The following SPHK2 variants were observed in gnomAD, a reference collection of about 807,000 sequenced individuals.
SPHK2 encodes the protein sphingosine kinase 2.
Under a neutral mutation model 32.3 loss-of-function variants are expected in SPHK2, and 18 were observed. That is an observed-to-expected ratio of 0.56 (90% CI 0.39 to 0.83). The LOEUF (loss-of-function observed/expected upper bound fraction) is 0.83. SPHK2 is among the 40% of genes least tolerant of loss of function. The pLI, the probability that SPHK2 is intolerant of heterozygous loss-of-function variation, is 0.00. For synonymous variants in SPHK2, 462 were observed against 417.6 expected, an observed-to-expected ratio of 1.11 and a Z score of -1.30; for missense variants, 850 against 908.7, an observed-to-expected ratio of 0.94 and a Z score of 0.83.
chr19:48,626,994 C>A (rs1357345677), intron 3 of SPHK2, among the ~76,000 whole-genome samples: 1 of 151,080 alleles, frequency 6.6e-6, no homozygotes, highest in Non-Finnish European at 1.5e-5. Flanking sequence ...ATTAGCCGGG[C>A]ATGGTGACGG....
chr19:48,625,165 C>T, intron 2 of SPHK2: 1 of 1,014,640 alleles, frequency 9.9e-7, no homozygotes. Flanking sequence ...CTGTCATATC[C>T]CTTCTCTCCA....
At chr19:48,625,242 G>A (rs1974560026) in intron 2 of SPHK2, 9 of 1,062,236 alleles carry the variant, frequency 8.5e-6, no homozygotes, top group Admixed American at 5.0e-5. Flanking sequence ...TGCCTTTCTC[G>A]TTGGGGTGAA....
chr19:48,627,748 T>C lies in SPHK2; in HGVS notation c.568T>C (p.Phe190Leu). 6.2e-7 allele frequency: 1 copy of C among 1,613,712 alleles called. No homozygotes were observed. The highest frequency in any genetic ancestry group is 8.5e-7 in the Non-Finnish European group (1 of 1,179,848). ...PPRLLLLVNP[F>L]GGRGLAWQWC... ...CCGGTTGCTTCTATTGGTCAATCCC[T>C]TTGGGGGTCGGGGCCTGGCCTGGCA... The change falls in exon 4 of 7, where the codon TTT becomes CTT. Residue 190 changes from phenylalanine to leucine, a missense_variant. This residue lies in a region of SPHK2 where 544 missense variants were observed against 640.0 expected (regional missense o/e 0.85). Coordinates refer to ENST00000245222, the MANE Select transcript of SPHK2 (RefSeq NM_020126.5).
At position 48,626,326 on chromosome 19, in the gene SPHK2, T is replaced by A. The variant is rs2147686952; in HGVS notation, c.475T>A (p.Cys159Ser). Reference protein sequence around the residue: ...EAQRWATALTCLLRGLPLPGD... With the variant: ...EAQRWATALTSLLRGLPLPGD... ...CCAGCGCTGGGCCACTGCCCTCACCTGTCTGCTCCGAGGACTGCCACTGCC... is the reference window on the plus strand; with the variant it reads ...CCAGCGCTGGGCCACTGCCCTCACCAGTCTGCTCCGAGGACTGCCACTGCC... Residue 159 changes from cysteine to serine, a missense_variant, in exon 3 of 7, where the codon TGT becomes AGT. By Grantham distance (112) the Cys-to-Ser change is moderately radical. Transcript: ENST00000245222. 1.3e-6 allele frequency: 2 copies of A among 1,594,634 alleles called. No individual in the cohort carries two copies. The highest frequency in any genetic ancestry group is 1.3e-5 in the African/African-American group (1 of 74,800).
rs375999606 is a variant in SPHK2, at chr19:48,628,216, G to A, written c.811G>A (p.Val271Met). The stretch of plus-strand genomic sequence containing the variant: ...CTGGGAGGAAGCTGTGAAGATGCCT[G>A]TGGGCATCCTCCCCTGCGGCTCGGG... Reference protein sequence around the residue: ...PDWEEAVKMPVGILPCGSGNA... With the variant: ...PDWEEAVKMPMGILPCGSGNA... The change falls in exon 6 of 7, where the codon GTG (valine) becomes ATG (methionine). Residue 271 changes from valine to methionine, a missense_variant. By Grantham distance (21) the Val-to-Met change is conservative (BLOSUM62 1). Transcript: ENST00000245222. The surrounding 1 kb of genome is among the most constrained non-coding windows in gnomAD (Gnocchi z 5.2). 1.6e-5 allele frequency: 26 copies of A among 1,613,838 alleles called. No homozygotes were observed. The highest frequency in any genetic ancestry group is 2.1e-5 in the Non-Finnish European group (25 of 1,179,968).
rs766127579 is a variant in SPHK2 at position 48,628,739 on chromosome 19, G to A, written c.931G>A (p.Gly311Ser). The A allele has an allele frequency of 3.3e-5, 54 of 1,613,142 alleles. No individual in the cohort carries two copies. In the East Asian group the frequency reaches 7.4e-4, roughly 22 times the overall value. The change falls in exon 7 of 7, where the codon GGT becomes AGT. Residue 311 changes from glycine to serine, a missense_variant. By Grantham distance (56) the Gly-to-Ser change is moderately conservative. Coordinates refer to ENST00000245222, the MANE Select transcript of SPHK2 (RefSeq NM_020126.5). This position sits in a 1 kb window ranked among gnomAD's most constrained non-coding sequence, Gnocchi z 5.2. ...LLNCSLLLCRGGGHPLDLLSV... is the reference protein window; with the variant it reads ...LLNCSLLLCRSGGHPLDLLSV... Reference sequence around the variant, plus strand: ...CAACTGCTCACTGTTGCTGTGCCGGGGTGGTGGCCACCCACTGGACCTGCT... The same window carrying A: ...CAACTGCTCACTGTTGCTGTGCCGGAGTGGTGGCCACCCACTGGACCTGCT...
At chr19:48,620,618 TA>T (rs34009920) in intron 2 of SPHK2, 65 bp downstream of exon 2, 145,554 of 1,003,588 alleles carry the variant, frequency 0.15, 1 homozygote, top group Middle Eastern at 0.17. Context: ...AGCTTTTCTT[TA>T]AAAAAAAAAA....
In SPHK2 at chr19:48,629,560, C is replaced by A; in HGVS notation, c.1752C>A (p.Phe584Leu). 6.2e-7 allele frequency: 1 copy of A among 1,602,240 alleles called. No individual in the cohort carries two copies. The highest frequency in any genetic ancestry group is 2.3e-5 in the East Asian group (1 of 44,364). The change falls in exon 7 of 7, where the codon TTC (phenylalanine) becomes TTA (leucine). Residue 584 changes from phenylalanine to leucine, a missense_variant. By Grantham distance (22) the Phe-to-Leu change is conservative. Around this residue, in one of 2 missense-constraint regions of SPHK2, gnomAD observed 306 missense variants for 268.6 expected, o/e 1.14. Transcript: ENST00000245222. ...CGCGGGCTGCGCTGCTGCGCCTTTT[C>A]TTGGCCATGGAGCGTGGTAGCCACT... ...GISRAALLRL[F>L]LAMERGSHFS...
In SPHK2 at chr19:48,626,142, C is replaced by T. The variant is rs1286215914; in HGVS notation, c.291C>T (p.Val97=). Residue 97 remains valine, a synonymous_variant, in exon 3 of 7, where the codon GTC becomes GTT. Transcript: ENST00000245222. ...PRGGLVPLAE[V]SGCCTLRSRS... is the part of the protein sequence containing the mutation. ...GTGGCCTGGTCCCGTTGGCCGAGGT[C>T]TCAGGCTGCTGCACCCTGCGAAGCC... 1 of 1,604,670 alleles carries T rather than the reference C, an allele frequency of 6.2e-7. No homozygotes were observed. The highest frequency in any genetic ancestry group is 2.2e-5 in the East Asian group (1 of 44,752).
At chr19:48,622,130 G>A (rs541308776) in intron 2 of SPHK2, among the ~76,000 whole-genome samples, 7 of 152,018 alleles carry the variant, frequency 4.6e-5, no homozygotes, top group Admixed American at 2.6e-4. Flanking sequence ...GGTGGCGCGC[G>A]CCTGTAGTCC....
At chr19:48,619,925 G>A (rs972602080) in intron 1 of SPHK2, 4 of 153,528 alleles carry the variant, frequency 2.6e-5, no homozygotes, top group African/African-American at 7.2e-5. Flanking sequence ...GGAGACCCAG[G>A]GAGAAGTAGT....
chr19:48,621,006 C>T (rs1342079294), intron 2 of SPHK2: 1 of 157,232 alleles, frequency 6.4e-6, no homozygotes, highest in South Asian at 1.7e-4. Flanking sequence ...GCTGCAACCT[C>T]CTGGGCTAAA....
At position 48,625,929 on chromosome 19, in the gene SPHK2, G is replaced by A. The variant is rs377638271; in HGVS notation, c.78G>A (p.Gly26=). 3 of 1,611,860 alleles carry A rather than the reference G, an allele frequency of 1.9e-6. No homozygotes were observed. The highest frequency in any genetic ancestry group is 2.5e-6 in the Non-Finnish European group (3 of 1,179,520). ...AGCTGACCGGGAGCTGGGGCCACGG[G>A]CCTAGGAGCACCCTGGTCAGGGCTA... is the stretch of plus-strand genomic sequence containing the variant. ...DQELTGSWGH[G]PRSTLVRAKA... is the part of the protein sequence containing the mutation. Residue 26 remains glycine (G), a synonymous_variant, in exon 3 of 7, where the codon GGG becomes GGA. Transcript: ENST00000245222.
At chr19:48,622,264 A>AAT (rs1198321392) in intron 2 of SPHK2, among the ~76,000 whole-genome samples, 3 of 146,392 alleles carry the variant, frequency 2.0e-5, no homozygotes, top group Admixed American at 6.7e-5. Flanking sequence ...GTCTCAAAAA[A>AAT]AAAAAAAATA....
chr19:48,625,037 TCC>T, intron 2 of SPHK2: 4 of 990,550 alleles, frequency 4.0e-6, no homozygotes, highest in Non-Finnish European at 4.8e-6. Flanking sequence ...TCAGTCCTGC[TCC>T]CACCCGCTCC....
At position 48,626,386 on chromosome 19, in the gene SPHK2, A is replaced by G. The variant is rs746112358; in HGVS notation, c.511+24A>G. On this transcript the variant is annotated intron_variant, in intron 3 of 6. Transcript: ENST00000245222. ...GGGTGAGGTGCTGGGCAGCTGCTCT[A>G]TCCTGGAGCCACCTTGGTGTCTCTG... The G allele has an allele frequency of 1.3e-5, 20 of 1,528,982 alleles. No homozygotes were observed. The East Asian group carries it at 4.1e-4, about 31-fold the overall frequency. 94.7% of individuals were successfully genotyped at this position (1,528,982 alleles called of 1,614,324 possible).
intron 1 of SPHK2, chr19:48,619,946 G>C (rs1974335297): frequency 6.5e-6 from 1 of 153,630 alleles, no homozygotes; most frequent in East Asian, 1.9e-4. Context: ...GGCAAAGAAA[G>C]ATGGTGAGAT....
chr19:48,630,144 T>G lies in SPHK2; in HGVS notation c.*371T>G, dbSNP rs1000743617. On this transcript the variant is annotated 3_prime_UTR_variant, in exon 7 of 7. Transcript: ENST00000245222. This position sits in a 1 kb window ranked among gnomAD's most constrained non-coding sequence, Gnocchi z 4.9. ...ATGACAGGACCTGGAATGTACTGGC[T>G]GGGGTAGGCCTCAGTGAGTCGGCCG... The G allele has an allele frequency of 2.4e-6, 3 of 1,252,384 alleles. No homozygotes were observed. In the Admixed American group the frequency reaches 1.2e-4, roughly 48 times the overall value. 77.6% of individuals were successfully genotyped at this position (1,252,384 alleles called of 1,614,324 possible). A position where few individuals can be genotyped will look rare whatever the true frequency, so the allele number is the denominator to read the frequency against.
At chr19:48,623,877 GTC>G (rs1184467209) in intron 2 of SPHK2, 1 of 151,812 alleles carries the variant, frequency 6.6e-6, no homozygotes, top group Non-Finnish European at 1.5e-5. Context: ...TTTTCTCTGG[GTC>G]TCTCTGACTC....
Sources: allele counts gnomAD v4.1 joint callset (sites outside exome capture counted in the v4.1 genomes callset), GRCh38; gene constraint gnomAD v4.1.1; regional missense constraint gnomAD v4.1.1; non-coding constraint Gnocchi (gnomAD v3.1); transcripts MANE v1.5; gene names NCBI Gene and HGNC (gene_info 2026-07-23, HGNC 2026-07-21).